Variants in DLGAP3 observed in about 807,000 individuals in gnomAD.
The protein encoded by DLGAP3 is DLG associated protein 3, also known as disks large-associated protein 3.
A neutral mutation model predicts 81.2 loss-of-function variants in DLGAP3; 17 were observed. That is an observed-to-expected ratio of 0.21 (90% CI 0.14 to 0.31). The LOEUF (loss-of-function observed/expected upper bound fraction) is 0.31. Ranked by LOEUF, DLGAP3 falls within the 10% of genes least tolerant of loss-of-function variation. The probability of loss-of-function intolerance (pLI) is 1.00; values close to 1 mark genes in which losing one functional copy is unlikely to be tolerated. For missense variants in DLGAP3, 1,124 were observed against 1,388.0 expected, an observed-to-expected ratio of 0.81 and a Z score of 3.02; for synonymous variants, 577 against 587.4, an observed-to-expected ratio of 0.98 and a Z score of 0.26.
chr1:34,912,191 C>T (rs549386535), intron 1 of DLGAP3, among the ~76,000 whole-genome samples: 29 of 152,328 alleles, frequency 1.9e-4, no homozygotes, highest in Non-Finnish European at 2.5e-4. Context: ...GACTCACTAA[C>T]GGTAGCTATC....
At position 34,929,526 on chromosome 1, in the gene DLGAP3, C is replaced by A. The variant is rs1357217228; in HGVS notation, c.-210G>T. ...CGGGGGCGCTGCGGCGTTGGGCAGG[C>A]GGGCAGGGACCGGGGCCCGGCACTG... On this transcript the variant is annotated 5_prime_UTR_variant, in exon 1 of 12. Coordinates refer to ENST00000373347, the MANE Select transcript of DLGAP3 (RefSeq NM_001080418.3). This position sits in a 1 kb window ranked among gnomAD's most constrained non-coding sequence, Gnocchi z 6.5. 1 of 149,128 alleles carries A rather than the reference C, an allele frequency of 6.7e-6. No homozygotes were observed. The highest frequency in any genetic ancestry group is 2.0e-4 in the East Asian group (1 of 5,090). The allele number at this position is 149,128 out of a possible 1,614,324, so 9.2% of individuals were successfully genotyped here.
At chr1:34,926,773 C>T (rs1347342226) in intron 1 of DLGAP3, among the ~76,000 whole-genome samples, 1 of 152,134 alleles carries the variant, frequency 6.6e-6, no homozygotes, top group Non-Finnish European at 1.5e-5. Context: ...ATCATTTGTC[C>T]TAGACTCCTG....
At chr1:34,875,985 C>T (rs902315534) in intron 8 of DLGAP3, among the ~76,000 whole-genome samples, 4 of 152,260 alleles carry the variant, frequency 2.6e-5, no homozygotes, top group South Asian at 2.1e-4. Flanking sequence ...TTGTGGCAGC[C>T]GGCACAGCGG....
intron 1 of DLGAP3, among the ~76,000 whole-genome samples, chr1:34,922,141 T>C (rs1383613627): frequency 3.9e-5 from 6 of 152,150 alleles, no homozygotes; most frequent in Non-Finnish European, 5.9e-5. Flanking sequence ...CTGAGCACCA[T>C]AGCATCTGAA....
chr1:34,909,195 C>A (rs1639603857), intron 1 of DLGAP3, among the ~76,000 whole-genome samples: 1 of 152,246 alleles, frequency 6.6e-6, no homozygotes, highest in Non-Finnish European at 1.5e-5. Flanking sequence ...CACACAGGTG[C>A]TGCTGGCAAG....
At position 34,885,023 on chromosome 1, in the gene DLGAP3, C is replaced by T. The variant is rs1040792492; in HGVS notation, c.1955G>A (p.Arg652Gln). 8 of 1,613,566 alleles carry T rather than the reference C, an allele frequency of 5.0e-6. No homozygotes were observed. The highest frequency in any genetic ancestry group is 6.8e-6 in the Non-Finnish European group (8 of 1,179,972). ...CACGCCAATAGAGTGGAACTCCCTC[C>T]GGCTCCTGTTCTCGGTGTCCGAATC... ...ISDSDTENRS[R>Q]REFHSIGVQV... Residue 652 changes from arginine to glutamine, a missense_variant, in exon 8 of 12, where the codon CGG (arginine) becomes CAG (glutamine). Physicochemically the swap from Arg to Gln is conservative, Grantham distance 43. This residue lies in a region of DLGAP3 where 379 missense variants were observed against 455.7 expected (regional missense o/e 0.83). Transcript: ENST00000373347.
intron 1 of DLGAP3, among the ~76,000 whole-genome samples, chr1:34,915,787 G>C (rs1639708638): frequency 6.6e-6 from 1 of 152,192 alleles, no homozygotes; most frequent in African/African-American, 2.4e-5. Flanking sequence ...AGAGAAGACA[G>C]CCAGGAGCTA....
At chr1:34,915,624 C>T (rs1400986391) in intron 1 of DLGAP3, among the ~76,000 whole-genome samples, 2 of 152,232 alleles carry the variant, frequency 1.3e-5, no homozygotes, top group Non-Finnish European at 2.9e-5. Context: ...CTGAGCCTTT[C>T]CCACAGGAGA....
At chr1:34,899,861 C>T (rs1639428547) in intron 4 of DLGAP3, 120 bp from the exon 5 acceptor site, 4 of 1,026,274 alleles carry the variant, frequency 3.9e-6, no homozygotes, top group Admixed American at 3.9e-5. Flanking sequence ...AAGAGAGATC[C>T]CTTAGGAGAC....
rs548746822 is a variant in DLGAP3 at position 34,927,977 on chromosome 1, T to C, written c.-135+1474A>G. 5.3e-5 allele frequency among the ~76,000 whole-genome samples: 8 copies of C among 152,306 alleles called. No individual in the cohort carries two copies. The South Asian group carries it at 1.7e-3, about 32-fold the overall frequency. On this transcript the variant is annotated intron_variant, in intron 1 of 11. Coordinates refer to ENST00000373347, the MANE Select transcript of DLGAP3 (RefSeq NM_001080418.3). Reference sequence around the variant, plus strand: ...TCTGTAAATCGGCATTATATTTGGTTGAACCATATGAAATTGCTGTTTTTG... The same window carrying C: ...TCTGTAAATCGGCATTATATTTGGTCGAACCATATGAAATTGCTGTTTTTG...
chr1:34,912,880 G>A (rs929534347), intron 1 of DLGAP3, among the ~76,000 whole-genome samples: 3 of 152,126 alleles, frequency 2.0e-5, no homozygotes, highest in Non-Finnish European at 2.9e-5. Flanking sequence ...CCCTCTGCCC[G>A]CTCCGGCCCA....
rs200058909 is a variant in DLGAP3, at chr1:34,904,967, T to C, written c.417A>G (p.Leu139=). 2.5e-6 allele frequency: 4 copies of C among 1,613,174 alleles called. No individual in the cohort carries two copies. The highest frequency in any genetic ancestry group is 3.4e-6 in the Non-Finnish European group (4 of 1,179,728). The change falls in exon 3 of 12, where the codon CTA becomes CTG. Residue 139 remains leucine (L), a synonymous_variant. Coordinates refer to ENST00000373347, the MANE Select transcript of DLGAP3 (RefSeq NM_001080418.3). This position sits in a 1 kb window ranked among gnomAD's most constrained non-coding sequence, Gnocchi z 8.1. ...LPVQQDGFHT[L]PYQRGPAGAG... ...CCCCTGCTGGCCCTCGCTGGTATGG[T>C]AGTGTGTGGAAGCCATCTTGTTGAA...
intron 5 of DLGAP3, among the ~76,000 whole-genome samples, chr1:34,898,077 C>T (rs903885512): frequency 3.9e-5 from 6 of 152,036 alleles, no homozygotes; most frequent in Non-Finnish European, 5.9e-5. Context: ...ACTAAACATC[C>T]GAATGAGATT....
At chr1:34,886,804 C>T (rs1017771262) in intron 5 of DLGAP3, among the ~76,000 whole-genome samples, 2 of 150,590 alleles carry the variant, frequency 1.3e-5, no homozygotes, top group Non-Finnish European at 3.0e-5. Flanking sequence ...TATATATATA[C>T]TACATATATA....
chr1:34,915,904 G>T (rs1339401704), intron 1 of DLGAP3, among the ~76,000 whole-genome samples: 1 of 152,164 alleles, frequency 6.6e-6, no homozygotes, highest in Non-Finnish European at 1.5e-5. Context: ...TCTTCCAAGA[G>T]GCCTTCCCCT....
chr1:34,902,723 G>A lies in DLGAP3; in HGVS notation c.1107+1554C>T, dbSNP rs1193216615. Among the ~76,000 whole-genome samples the A allele has an allele frequency of 6.6e-6, 1 of 152,120 alleles. No homozygotes were observed. The highest frequency in any genetic ancestry group is 2.4e-5 in the African/African-American group (1 of 41,420). On this transcript the variant is annotated intron_variant, in intron 3 of 11. Coordinates refer to ENST00000373347, the MANE Select transcript of DLGAP3 (RefSeq NM_001080418.3). The surrounding 1 kb of genome is among the most constrained non-coding windows in gnomAD (Gnocchi z 4.4). ...GAGAGGCAGGCCAGCAGATGGGAAG[G>A]CCATACTGCAGGGTTCCCATTCTAG...
intron 5 of DLGAP3, among the ~76,000 whole-genome samples, chr1:34,898,712 GC>G (rs759927200): frequency 2.0e-5 from 3 of 152,176 alleles, no homozygotes; most frequent in Non-Finnish European, 4.4e-5. Flanking sequence ...CAAGTAACTT[GC>G]CCCAGGTCAG....
chr1:34,874,828 AG>A (rs1639026864), intron 8 of DLGAP3, among the ~76,000 whole-genome samples: 1 of 125,524 alleles, frequency 8.0e-6, no homozygotes, highest in Non-Finnish European at 1.6e-5. Flanking sequence ...GAAGGGTGGG[AG>A]GGGGAGTGGG....
intron 1 of DLGAP3, among the ~76,000 whole-genome samples, chr1:34,919,636 C>T (rs1366587506): frequency 1.3e-5 from 2 of 152,066 alleles, no homozygotes; most frequent in African/African-American, 2.4e-5. Context: ...AAAAATTAGT[C>T]GGGCGTGGTG....
Sources: allele counts gnomAD v4.1 joint callset (sites outside exome capture counted in the v4.1 genomes callset), GRCh38; gene constraint gnomAD v4.1.1; regional missense constraint gnomAD v4.1.1; non-coding constraint Gnocchi (gnomAD v3.1); transcripts MANE v1.5; gene names NCBI Gene and HGNC (gene_info 2026-07-23, HGNC 2026-07-21).